ASXL1: variants seen among roughly 807,000 people sequenced by gnomAD.
ASXL1 encodes polycomb group protein ASXL1.
ASXL1 carries 65 observed loss-of-function variants against 89.1 expected under a neutral mutation model. The ratio of observed to expected loss-of-function variants is 0.73; its 90% CI spans 0.60 to 0.90. The LOEUF (loss-of-function observed/expected upper bound fraction) is 0.90. Among genes scored for constraint, ASXL1 ranks in the 40% least tolerant of loss-of-function variants. ASXL1 has a pLI of 0.00. For missense variants in ASXL1, 1,786 were observed against 1,942.9 expected (o/e 0.92, Z 1.52); for synonymous variants, 739 against 746.9 (o/e 0.99, Z 0.17).
chr20:32,414,315 T>C (rs1020459884), intron 4 of ASXL1, among the ~76,000 whole-genome samples: 4 of 152,042 alleles, frequency 2.6e-5, no homozygotes, highest in Admixed American at 2.6e-4. Context: ...TTTTCTTTTT[T>C]TTTTTTAATC....
intron 4 of ASXL1, among the ~76,000 whole-genome samples, chr20:32,373,469 T>C (rs982369588): frequency 2.6e-5 from 4 of 152,230 alleles, no homozygotes; most frequent in Non-Finnish European, 5.9e-5. Flanking sequence ...CCTCTGGGTT[T>C]GGTAAATTTT....
intron 4 of ASXL1, among the ~76,000 whole-genome samples, chr20:32,376,706 T>C (rs1382633801): frequency 6.6e-6 from 1 of 151,470 alleles, no homozygotes; most frequent in Non-Finnish European, 1.5e-5. Context: ...GCAGAATGGC[T>C]TGTTAAGTTT....
intron 4 of ASXL1, among the ~76,000 whole-genome samples, chr20:32,410,858 GTC>G (rs1291405119): frequency 6.6e-6 from 1 of 151,852 alleles, no homozygotes; most frequent in Admixed American, 6.6e-5. Flanking sequence ...GTGAAACCCT[GTC>G]TCTGCTAAAA....
chr20:32,395,594 C>T (rs2048748286), intron 4 of ASXL1, among the ~76,000 whole-genome samples: 1 of 152,102 alleles, frequency 6.6e-6, no homozygotes, highest in Admixed American at 6.5e-5. Flanking sequence ...TGTACTTCCC[C>T]ACCGCATCTG....
chr20:32,404,911 C>G (rs1266487726), intron 4 of ASXL1, among the ~76,000 whole-genome samples: 1 of 152,100 alleles, frequency 6.6e-6, no homozygotes, highest in Admixed American at 6.6e-5. Flanking sequence ...CTTTTCACAT[C>G]TTATTGTTTT....
chr20:32,437,671 T>C lies in ASXL1; in HGVS notation c.*333T>C. On this transcript the variant is annotated 3_prime_UTR_variant, in exon 13 of 13. Transcript: ENST00000375687. ...GGGACTTGAAACTGAAGCAAGAAGG[T>C]TGCATTCTCCACCAAGGGAGTTAAC... is the stretch of plus-strand genomic sequence containing the variant. 2.3e-6 allele frequency: 1 copy of C among 425,740 alleles called. No individual in the cohort carries two copies. Among genetic ancestry groups the C allele is most frequent in the Non-Finnish European group, 4.3e-6 (1 of 232,880 alleles). The allele number at this position is 425,740 out of a possible 1,614,324, so 26.4% of individuals were successfully genotyped here.
chr20:32,393,227 T>G (rs910444376), intron 4 of ASXL1, among the ~76,000 whole-genome samples: 1 of 152,234 alleles, frequency 6.6e-6, no homozygotes, highest in Non-Finnish European at 1.5e-5. Context: ...GTCGTCATCT[T>G]GATGAATTGG....
At chr20:32,359,885 A>G (rs1192432814) in intron 1 of ASXL1, 2 of 715,518 alleles carry the variant, frequency 2.8e-6, no homozygotes, top group African/African-American at 1.7e-5. Context: ...GTAACAGGTT[A>G]TACTAAGATG....
Position 32,434,537 on chromosome 20 carries a change from A to C in ASXL1, c.1825A>C (p.Thr609Pro). 2 of 1,613,896 alleles carry C rather than the reference A, an allele frequency of 1.2e-6. No individual in the cohort carries two copies. The highest frequency in any genetic ancestry group is 1.7e-6 in the Non-Finnish European group (2 of 1,180,034). ...CACGGAGTCCTCCTGCCGGGGTTGGACTGGCGCCAGGACCCTCGCAGACAT... is the reference window on the plus strand; with the variant it reads ...CACGGAGTCCTCCTGCCGGGGTTGGCCTGGCGCCAGGACCCTCGCAGACAT... The part of the protein sequence containing the change: ...PTTESSCRGW[T>P]GARTLADIKA... The change falls in exon 13 of 13, where the codon ACT becomes CCT. Residue 609 changes from threonine (T) to proline (P), a missense_variant. Around this residue, in one of 3 missense-constraint regions of ASXL1, gnomAD observed 1,418 missense variants for 1,427.8 expected, o/e 0.99. Coordinates refer to ENST00000375687, the MANE Select transcript of ASXL1 (RefSeq NM_015338.6).
chr20:32,435,850 G>A lies in ASXL1; in HGVS notation c.3138G>A (p.Val1046=). 6.2e-7 allele frequency: 1 copy of A among 1,614,238 alleles called. No individual in the cohort carries two copies. Among genetic ancestry groups the A allele is most frequent in the Non-Finnish European group, 8.5e-7 (1 of 1,180,046 alleles). The change falls in exon 13 of 13, where the codon GTG becomes GTA. Residue 1046 remains valine (V), a synonymous_variant. Transcript: ENST00000375687. The part of the protein sequence containing the change: ...NWNQSAPLSK[V]NGDMRLVTRT... Reference sequence around the variant, plus strand: ...ACCAATCTGCCCCACTGTCCAAGGTGAATGGTGACATGCGTCTGGTTACAA... The same window carrying A: ...ACCAATCTGCCCCACTGTCCAAGGTAAATGGTGACATGCGTCTGGTTACAA...
rs781438363 is a variant in ASXL1 at position 32,436,624 on chromosome 20, T to C, written c.3912T>C (p.Leu1304=). ...QSNVTGQGKK[L]FGSGNVAATL... is the part of the protein sequence containing the mutation. ...ATGTTACAGGCCAAGGGAAGAAGCT[T>C]TTTGGCTCTGGGAATGTGGCTGCAA... The change falls in exon 13 of 13, where the codon CTT becomes CTC. Residue 1304 remains leucine (L), a synonymous_variant. Coordinates refer to ENST00000375687, the MANE Select transcript of ASXL1 (RefSeq NM_015338.6). 1.2e-6 allele frequency: 2 copies of C among 1,613,964 alleles called. No individual in the cohort carries two copies. The highest frequency in any genetic ancestry group is 1.7e-6 in the Non-Finnish European group (2 of 1,180,032).
intron 4 of ASXL1, among the ~76,000 whole-genome samples, chr20:32,397,250 C>CCTTTT (rs2048783623): frequency 1.4e-4 from 1 of 6,980 alleles, no homozygotes; most frequent in Non-Finnish European, 2.7e-4. Context: ...CCATGCCTGG[C>CCTTTT]TTTTTTTTTT....
Position 32,411,536 on chromosome 20 carries a change from CTT to C in ASXL1, c.253-16572_253-16571del, listed in dbSNP as rs749530241. ...AGCCACTGTGCCCGGCCATGGATTCCTTTTTTTTTTTTTTTTTTTTTAAAATA... is the reference window on the plus strand; with the variant it reads ...AGCCACTGTGCCCGGCCATGGATTCCTTTTTTTTTTTTTTTTTTTAAAATA... On this transcript the variant is annotated intron_variant, in intron 4 of 12. Transcript: ENST00000375687. 1.8e-3 allele frequency among the ~76,000 whole-genome samples: 228 copies of C among 123,872 alleles called. 2 individuals are homozygous for C. Among genetic ancestry groups the C allele is most frequent in the South Asian group, 0.014 (51 of 3,762 alleles). The allele number at this position is 123,872 out of a possible 152,430, so 81.3% of individuals were successfully genotyped here. A position where few individuals can be genotyped will look rare whatever the true frequency, so the allele number is the denominator to read the frequency against.
At chr20:32,407,994 G>T (rs1488460447) in intron 4 of ASXL1, among the ~76,000 whole-genome samples, 1 of 152,144 alleles carries the variant, frequency 6.6e-6, no homozygotes, top group African/African-American at 2.4e-5. Flanking sequence ...CTGGAGTGCA[G>T]TGGCACAATC....
Position 32,433,373 on chromosome 20 carries a change from C to A in ASXL1, c.1175C>A (p.Ser392Ter), listed in dbSNP as rs2011589236. ...AGTGGCTTGTGTGTCCCAGGAGAAT[C>A]AGTGCGTATACAGCGTGGTCCAGCC... Reference protein sequence around the residue: ...IKSGLCVPGESVRIQRGPATR... With the variant: ...IKSGLCVPGE The change falls in exon 12 of 13, where the codon TCA becomes TAA. Residue 392 changes from serine to a stop codon, truncating the protein, a stop_gained. Transcript: ENST00000375687. LOFTEE classifies it high-confidence loss of function. The A allele has an allele frequency of 6.2e-7, 1 of 1,614,138 alleles. No homozygotes were observed.
intron 4 of ASXL1, among the ~76,000 whole-genome samples, chr20:32,414,073 T>A (rs1047348926): frequency 3.9e-5 from 6 of 151,924 alleles, no homozygotes; most frequent in African/African-American, 4.8e-5. Flanking sequence ...ATATCGTGTG[T>A]TTTTTTTGAC....
At chr20:32,367,603 A>T (rs896034819) in intron 2 of ASXL1, 124 bp from the exon 3 acceptor site, 1 of 733,204 alleles carries the variant, frequency 1.4e-6, no homozygotes, top group Admixed American at 1.9e-5. Flanking sequence ...GATTGTCTAC[A>T]TCACATTTAT....
At chr20:32,432,648 A>G (rs1455668230) in intron 10 of ASXL1, 4 of 489,148 alleles carry the variant, frequency 8.2e-6, no homozygotes, top group Non-Finnish European at 1.5e-5. Flanking sequence ...GGAAATATGA[A>G]TGGTTCTTTT....
chr20:32,414,466 G>A (rs1259791900), intron 4 of ASXL1, among the ~76,000 whole-genome samples: 2 of 151,770 alleles, frequency 1.3e-5, no homozygotes, highest in Non-Finnish European at 2.9e-5. Flanking sequence ...CCCGACTACT[G>A]GGGAGGCCAA....
Sources: gnomAD v4.1 joint callset for allele counts (sites outside exome capture counted in the v4.1 genomes callset) on GRCh38, gnomAD v4.1.1 for gene constraint, gnomAD v4.1.1 regional missense constraint, MANE v1.5 for transcripts, NCBI Gene and HGNC (gene_info 2026-07-23, HGNC 2026-07-21) for gene names.